The following ANKH variants were observed in gnomAD, a reference collection of about 807,000 sequenced individuals.
ANKH encodes the protein ANKH inorganic pyrophosphate transport regulator, also known as mineralization regulator ANKH.
In ANKH, 15 loss-of-function variants were observed where a neutral mutation model predicts 49.0. The ratio of observed to expected loss-of-function variants is 0.31; its 90% CI spans 0.20 to 0.47. The LOEUF (loss-of-function observed/expected upper bound fraction) is 0.47. ANKH is among the 20% of genes least tolerant of loss of function. ANKH has a pLI of 1.00. For synonymous variants in ANKH, 273 were observed against 260.0 expected, an observed-to-expected ratio of 1.05 and a Z score of -0.48; for missense variants, 429 against 652.0, an observed-to-expected ratio of 0.66 and a Z score of 3.72.
intron 1 of ANKH, among the ~76,000 whole-genome samples, chr5:14,809,848 TC>T (rs1740825194): frequency 6.6e-6 from 1 of 151,958 alleles, no homozygotes; most frequent in African/African-American, 2.4e-5. Context: ...GTCAGCCCCG[TC>T]TCGGTGTGAC....
At chr5:14,784,123 C>T (rs80140215) in intron 1 of ANKH, among the ~76,000 whole-genome samples, 2,504 of 152,320 alleles carry the variant, frequency 0.016, 63 homozygotes, top group African/African-American at 0.057. Flanking sequence ...GAATAACAAC[C>T]TCTTACATAG....
chr5:14,802,559 C>T (rs1740595572), intron 1 of ANKH, among the ~76,000 whole-genome samples: 1 of 152,120 alleles, frequency 6.6e-6, no homozygotes, highest in Admixed American at 6.5e-5. Context: ...CTTCCCATCA[C>T]CCCTTGGCCA....
Position 14,745,849 on chromosome 5 carries a change from C to T in ANKH, c.915+21G>A, listed in dbSNP as rs376131909. 3.9e-5 allele frequency: 63 copies of T among 1,611,436 alleles called. No homozygotes were observed. The highest frequency in any genetic ancestry group is 1.6e-4 in the Middle Eastern group (1 of 6,080). On this transcript the variant is annotated intron_variant, in intron 7 of 11. Coordinates refer to ENST00000284268, the MANE Select transcript of ANKH (RefSeq NM_054027.6). The surrounding 1 kb of genome is among the most constrained non-coding windows in gnomAD (Gnocchi z 4.7). The stretch of plus-strand genomic sequence containing the variant: ...TCATTTCAAAAGCATGTTTCAGACA[C>T]GACACCGCACGGGTTCTCACCTTGT...
chr5:14,787,578 T>C (rs554068654), intron 1 of ANKH, among the ~76,000 whole-genome samples: 3 of 152,236 alleles, frequency 2.0e-5, no homozygotes, highest in Admixed American at 6.5e-5. Flanking sequence ...ATTTTACTTA[T>C]GATAAAGAGC....
At chr5:14,722,308 G>A (rs1737696351) in intron 8 of ANKH, among the ~76,000 whole-genome samples, 1 of 152,186 alleles carries the variant, frequency 6.6e-6, no homozygotes, top group South Asian at 2.1e-4. Flanking sequence ...AGCTGCAGAG[G>A]TGGGTTTTCT....
At chr5:14,837,291 A>G (rs1311822273) in intron 1 of ANKH, among the ~76,000 whole-genome samples, 2 of 152,218 alleles carry the variant, frequency 1.3e-5, no homozygotes, top group Non-Finnish European at 1.5e-5. Flanking sequence ...ATTAAACTAA[A>G]GAGCTTCTGC....
chr5:14,822,589 C>A (rs552373351), intron 1 of ANKH, among the ~76,000 whole-genome samples: 2 of 152,274 alleles, frequency 1.3e-5, no homozygotes, highest in African/African-American at 4.8e-5. Flanking sequence ...CTTCATTTTT[C>A]ATGACATAGA....
intron 8 of ANKH, among the ~76,000 whole-genome samples, chr5:14,732,196 G>A (rs149812953): frequency 1.5e-3 from 234 of 152,250 alleles, no homozygotes; most frequent in African/African-American, 5.3e-3. Context: ...TGTGTTCACT[G>A]CAGCTTGATG....
At chr5:14,787,251 T>C (rs1580067883) in intron 1 of ANKH, among the ~76,000 whole-genome samples, 1 of 151,102 alleles carries the variant, frequency 6.6e-6, no homozygotes, top group Non-Finnish European at 1.5e-5. Flanking sequence ...GAGGTGGAGG[T>C]TGCAGTGAGC....
chr5:14,744,826 G>A (rs1177028306), intron 7 of ANKH, among the ~76,000 whole-genome samples: 2 of 152,234 alleles, frequency 1.3e-5, no homozygotes, highest in African/African-American at 2.4e-5. Flanking sequence ...TTGGAAGCTG[G>A]TGGCCACGTG....
At chr5:14,721,587 A>G (rs1341438941) in intron 8 of ANKH, among the ~76,000 whole-genome samples, 1 of 152,252 alleles carries the variant, frequency 6.6e-6, no homozygotes, top group Non-Finnish European at 1.5e-5. Context: ...TTTCTTGCGT[A>G]TATAACTTAG....
At chr5:14,767,632 T>A (rs760320245) in intron 2 of ANKH, among the ~76,000 whole-genome samples, 1 of 152,198 alleles carries the variant, frequency 6.6e-6, no homozygotes, top group Non-Finnish European at 1.5e-5. Flanking sequence ...TGACAACTGA[T>A]AATTAGCTGT....
chr5:14,748,636 G>A (rs1738614327), intron 6 of ANKH, among the ~76,000 whole-genome samples: 1 of 152,380 alleles, frequency 6.6e-6, no homozygotes, highest in East Asian at 1.9e-4. Flanking sequence ...AGGTGGGCAT[G>A]CCAGGCACGG....
intron 1 of ANKH, among the ~76,000 whole-genome samples, chr5:14,864,993 G>C (rs1735603118): frequency 6.6e-6 from 1 of 152,150 alleles, no homozygotes; most frequent in Non-Finnish European, 1.5e-5. Context: ...AGGCGTGGTG[G>C]CTCACGCCTG....
At chr5:14,831,714 C>A (rs1741512670) in intron 1 of ANKH, among the ~76,000 whole-genome samples, 1 of 152,162 alleles carries the variant, frequency 6.6e-6, no homozygotes, top group African/African-American at 2.4e-5. Context: ...CCAATTTTCA[C>A]CCAAAACTTA....
chr5:14,845,364 A>T (rs988378901), intron 1 of ANKH, among the ~76,000 whole-genome samples: 26 of 20,268 alleles, frequency 1.3e-3, no homozygotes, highest in African/African-American at 2.4e-3. Context: ...ATATATATAT[A>T]TATTTTTTTT....
At chr5:14,818,999 T>G (rs1741123621) in intron 1 of ANKH, among the ~76,000 whole-genome samples, 1 of 152,186 alleles carries the variant, frequency 6.6e-6, no homozygotes. Flanking sequence ...AGAAATCTAC[T>G]GAGGTTTTGA....
intron 8 of ANKH, among the ~76,000 whole-genome samples, chr5:14,740,540 G>A (rs1182134721): frequency 6.6e-6 from 1 of 152,196 alleles, no homozygotes; most frequent in Non-Finnish European, 1.5e-5. Flanking sequence ...GGGACAGGCT[G>A]GCAAAAGGGG....
chr5:14,764,964 T>G (rs1249170374), intron 2 of ANKH, among the ~76,000 whole-genome samples: 3 of 152,184 alleles, frequency 2.0e-5, no homozygotes, highest in African/African-American at 7.2e-5. Context: ...TTTCGACATC[T>G]TCGTGAATTA....
Sources: allele counts gnomAD v4.1 joint callset (sites outside exome capture counted in the v4.1 genomes callset), GRCh38; gene constraint gnomAD v4.1.1; non-coding constraint Gnocchi (gnomAD v3.1); transcripts MANE v1.5; gene names NCBI Gene and HGNC (gene_info 2026-07-23, HGNC 2026-07-21).